IL17B: variants seen among roughly 807,000 people sequenced by gnomAD.
The protein encoded by IL17B is interleukin-17B.
IL17B carries 14 observed loss-of-function variants against 14.7 expected under a neutral mutation model. The observed-to-expected ratio is 0.95, with a 90% CI of 0.63 to 1.49. The LOEUF is 1.49. IL17B is among the 40% of genes most tolerant of loss of function. IL17B has a pLI of 0.00. For synonymous variants in IL17B, 105 were observed against 94.8 expected (o/e 1.11, Z -0.62); for missense variants, 233 against 252.8 (o/e 0.92, Z 0.53).
intron 1 of IL17B, among the ~76,000 whole-genome samples, chr5:149,385,685 C>G (rs1422628732): frequency 6.6e-6 from 1 of 152,246 alleles, no homozygotes; most frequent in Non-Finnish European, 1.5e-5. Flanking sequence ...TGTTTATCCT[C>G]TGCTCAGAGT....
At chr5:149,390,636 TAC>T (rs1758928390) in intron 1 of IL17B, among the ~76,000 whole-genome samples, 3 of 87,856 alleles carry the variant, frequency 3.4e-5, no homozygotes, top group Non-Finnish European at 4.8e-5. Flanking sequence ...CACACAGAGA[TAC>T]ACAAGGCCCT....
At chr5:149,392,790 CTCTT>C (rs773155464) in intron 1 of IL17B, among the ~76,000 whole-genome samples, 38 of 152,352 alleles carry the variant, frequency 2.5e-4, no homozygotes, top group Admixed American at 5.9e-4. Context: ...TTCATTCTCT[CTCTT>C]TCTCTCCCTC....
At chr5:149,398,038 C>T (rs1047859115) in intron 1 of IL17B, among the ~76,000 whole-genome samples, 2 of 152,212 alleles carry the variant, frequency 1.3e-5, no homozygotes, top group Non-Finnish European at 2.9e-5. Flanking sequence ...CTCACACATA[C>T]ACACCCGACA....
intron 1 of IL17B, among the ~76,000 whole-genome samples, chr5:149,403,322 G>C (rs555332853): frequency 2.0e-5 from 3 of 152,254 alleles, no homozygotes; most frequent in African/African-American, 7.2e-5. Flanking sequence ...CTGGGCTCAA[G>C]AGATCCTCCT....
At chr5:149,376,709 A>T in intron 2 of IL17B, 27 bp downstream of exon 2, 1 of 1,575,036 alleles carries the variant, frequency 6.3e-7, no homozygotes, top group Non-Finnish European at 8.6e-7. Context: ...CCCCCCAAAG[A>T]CAGCTTGCCA....
At chr5:149,391,588 G>A (rs1561716343) in intron 1 of IL17B, among the ~76,000 whole-genome samples, 1 of 152,114 alleles carries the variant, frequency 6.6e-6, no homozygotes, top group Non-Finnish European at 1.5e-5. Flanking sequence ...TCCTGATTTG[G>A]GCTCCTGTCT....
intron 1 of IL17B, among the ~76,000 whole-genome samples, chr5:149,387,853 C>T (rs976548462): frequency 6.0e-5 from 9 of 150,848 alleles, no homozygotes; most frequent in Admixed American, 3.3e-4. Context: ...TGGATCAACA[C>T]GTGAATGTAA....
At chr5:149,393,064 CGT>C (rs933504997) in intron 1 of IL17B, among the ~76,000 whole-genome samples, 8 of 151,954 alleles carry the variant, frequency 5.3e-5, no homozygotes, top group African/African-American at 1.9e-4. Flanking sequence ...TGTGTGTCTG[CGT>C]GTGTGAGATT....
chr5:149,382,715 G>A (rs924872312), upstream of IL17B, among the ~76,000 whole-genome samples: 1 of 152,194 alleles, frequency 6.6e-6, no homozygotes, highest in Non-Finnish European at 1.5e-5. Context: ...TTGGTCAGCT[G>A]GTCATTGAGC....
In IL17B at chr5:149,374,458, G is replaced by A. The variant is rs144395727; in HGVS notation, c.454C>T (p.Arg152Cys). The change falls in exon 3 of 3, where the codon CGC (arginine) becomes TGC (cysteine). Residue 152 changes from arginine (R) to cysteine (C), a missense_variant. Physicochemically the swap from Arg to Cys is radical, Grantham distance 180. Transcript: ENST00000261796. The surrounding 1 kb of genome is among the most constrained non-coding windows in gnomAD (Gnocchi z 5.0). ...PVFSQVPVRR[R>C]LCPPPPRTGP... is the part of the protein sequence containing the mutation. ...GTGCGGGGCGGTGGCGGGCAGAGGCGGCGGCGCACAGGAACCTGGCTGAAC... is the reference window on the plus strand; with the variant it reads ...GTGCGGGGCGGTGGCGGGCAGAGGCAGCGGCGCACAGGAACCTGGCTGAAC... 77 of 1,611,632 alleles carry A rather than the reference G, an allele frequency of 4.8e-5. No homozygotes were observed. Among genetic ancestry groups the A allele is most frequent in the Middle Eastern group, 3.3e-4 (2 of 6,062 alleles).
At chr5:149,400,030 T>C (rs151327218) in intron 1 of IL17B, among the ~76,000 whole-genome samples, 292 of 152,272 alleles carry the variant, frequency 1.9e-3, no homozygotes, top group African/African-American at 6.6e-3. Flanking sequence ...TCCACATCAG[T>C]GGTCCCTTAC....
rs140917979 is a variant in IL17B at position 149,374,554 on chromosome 5, G to A, written c.358C>T (p.Arg120Trp). Residue 120 changes from arginine to tryptophan, a missense_variant, in exon 3 of 3, where the codon CGG becomes TGG. Arg to Trp is a moderately radical substitution (Grantham distance 101). Transcript: ENST00000261796. The surrounding 1 kb of genome is among the most constrained non-coding windows in gnomAD (Gnocchi z 5.0). ...TTCACACAGCCCAGACACAGGCACC[G>A]TGCCTCCGGCAGGTCCACGGGGATA... ...SRIPVDLPEA[R>W]CLCLGCVNPF... 67 of 1,613,076 alleles carry A rather than the reference G, an allele frequency of 4.2e-5. No homozygotes were observed. In the African/African-American group the frequency reaches 5.1e-4, roughly 12 times the overall value.
intron 1 of IL17B, among the ~76,000 whole-genome samples, chr5:149,391,197 C>A (rs1463738831): frequency 6.6e-6 from 1 of 152,188 alleles, no homozygotes; most frequent in African/African-American, 2.4e-5. Context: ...AACTCCTGAC[C>A]TCAGGTGATC....
intron 1 of IL17B, among the ~76,000 whole-genome samples, chr5:149,397,477 A>C (rs1469592048): frequency 6.6e-6 from 1 of 152,076 alleles, no homozygotes; most frequent in African/African-American, 2.4e-5. Context: ...CCCATTTTTA[A>C]ACTTTTATCT....
chr5:149,380,747 T>C (rs1758672847), upstream of IL17B, among the ~76,000 whole-genome samples: 4 of 152,166 alleles, frequency 2.6e-5, no homozygotes, highest in African/African-American at 4.8e-5. Context: ...GTCTTGGCCA[T>C]TTACAGGAAT....
chr5:149,379,315 G>A, upstream of IL17B: 1 of 1,499,732 alleles, frequency 6.7e-7, no homozygotes, highest in Non-Finnish European at 9.2e-7. Flanking sequence ...ATGGAGCGAA[G>A]CAATTATAGC....
In IL17B at chr5:149,376,849, G is replaced by T. The variant is rs745994784; in HGVS notation, c.198C>A (p.Ile66=). 4.3e-6 allele frequency: 7 copies of T among 1,614,090 alleles called. No individual in the cohort carries two copies. Among genetic ancestry groups the T allele is most frequent in the Non-Finnish European group, 5.1e-6 (6 of 1,180,010 alleles). ...TCCTCAGCTGGGCCACCATCTCCTC[G>T]ATGTTCCTCTCATACTCCTCCATGC... The part of the protein sequence containing the change: ...YARMEEYERN[I]EEMVAQLRNS... Residue 66 remains isoleucine, a synonymous_variant, in exon 2 of 3, where the codon ATC becomes ATA. Transcript: ENST00000261796.
chr5:149,397,303 G>A (rs1205260561), intron 1 of IL17B, among the ~76,000 whole-genome samples: 2 of 152,102 alleles, frequency 1.3e-5, no homozygotes, highest in African/African-American at 4.8e-5. Context: ...CCGAGTAGCA[G>A]GATTATAGAT....
At chr5:149,384,585 G>A (rs1195155161) in intron 1 of IL17B, among the ~76,000 whole-genome samples, 1 of 152,182 alleles carries the variant, frequency 6.6e-6, no homozygotes, top group Non-Finnish European at 1.5e-5. Flanking sequence ...TTGGGCAAGT[G>A]ACCTAACCTC....
Sources: allele counts gnomAD v4.1 joint callset (sites outside exome capture counted in the v4.1 genomes callset), GRCh38; gene constraint gnomAD v4.1.1; non-coding constraint Gnocchi (gnomAD v3.1); transcripts MANE v1.5; gene names NCBI Gene and HGNC (gene_info 2026-07-23, HGNC 2026-07-21).